Variants in PDE4D observed in about 807,000 individuals in gnomAD.
PDE4D encodes the protein 3',5'-cyclic-AMP phosphodiesterase 4D.
In PDE4D, 24 loss-of-function variants were observed where a neutral mutation model predicts 87.4. That is an observed-to-expected ratio of 0.27 (90% CI 0.20 to 0.39). The LOEUF is 0.39. Ranked by LOEUF, PDE4D falls within the 10% of genes least tolerant of loss-of-function variation. PDE4D has a pLI of 1.00. For synonymous variants in PDE4D, 384 were observed against 383.2 expected (o/e 1.00, Z -0.02); for missense variants, 714 against 1,041.0 (o/e 0.69, Z 4.32).
chr5:59,057,303 C>T (rs1234598027), intron 5 of PDE4D, among the ~76,000 whole-genome samples: 1 of 152,118 alleles, frequency 6.6e-6, no homozygotes, highest in Non-Finnish European at 1.5e-5. Context: ...GTCCTTGTTT[C>T]CAAATCTGAG....
intron 1 of PDE4D, among the ~76,000 whole-genome samples, chr5:59,622,069 C>T (rs1298077516): frequency 1.3e-5 from 2 of 152,030 alleles, no homozygotes; most frequent in African/African-American, 4.8e-5. Context: ...ATAAAACTTG[C>T]CAGAAGTTAA....
intron 5 of PDE4D, among the ~76,000 whole-genome samples, chr5:59,156,172 A>G (rs1416193842): frequency 6.6e-6 from 1 of 151,916 alleles, no homozygotes. Context: ...AAACTGACAG[A>G]GCTGGATTTT....
chr5:59,671,140 G>A (rs1179875360), intron 1 of PDE4D, among the ~76,000 whole-genome samples: 1 of 152,130 alleles, frequency 6.6e-6, no homozygotes, highest in Admixed American at 6.6e-5. Flanking sequence ...ATCTATCCTG[G>A]TTCATGTCCT....
chr5:59,337,435 C>A (rs1237668363), intron 1 of PDE4D, among the ~76,000 whole-genome samples: 5 of 150,738 alleles, frequency 3.3e-5, no homozygotes, highest in Non-Finnish European at 7.4e-5. Flanking sequence ...GGGGTTCACG[C>A]CATTCTCCTG....
intron 1 of PDE4D, chr5:60,185,705 G>A: frequency 1.5e-6 from 1 of 669,952 alleles, no homozygotes; most frequent in Non-Finnish European, 2.6e-6. Flanking sequence ...GAAAAGGAAG[G>A]AAATGTTTAA....
intron 5 of PDE4D, among the ~76,000 whole-genome samples, chr5:59,127,180 T>C (rs1050304162): frequency 9.2e-5 from 14 of 152,204 alleles, no homozygotes; most frequent in Non-Finnish European, 1.8e-4. Context: ...GCGTCCACAG[T>C]AATGTGCGTG....
rs1776168866 is a variant in PDE4D, at chr5:59,130,951, C to A, written c.808+49644G>T. Among the ~76,000 whole-genome samples the A allele has an allele frequency of 2.6e-5, 4 of 152,192 alleles. No individual in the cohort carries two copies. The South Asian group carries it at 8.3e-4, about 31-fold the overall frequency. On this transcript the variant is annotated intron_variant, in intron 5 of 14. Transcript: ENST00000340635. Reference sequence around the variant, plus strand: ...GGTCATGTTATTCCCTTCTTTAAAACCATCCATTCATTAGTGATGATCCAT... The same window carrying A: ...GGTCATGTTATTCCCTTCTTTAAAAACATCCATTCATTAGTGATGATCCAT...
At chr5:60,321,596 A>G (rs73106740) in intron 1 of PDE4D, among the ~76,000 whole-genome samples, 8,017 of 152,302 alleles carry the variant, frequency 0.053, 706 homozygotes, top group African/African-American at 0.18. Flanking sequence ...AACTATCAAT[A>G]TACTAAACAG....
At chr5:59,315,667 C>A (rs371517466) in intron 1 of PDE4D, among the ~76,000 whole-genome samples, 10 of 152,026 alleles carry the variant, frequency 6.6e-5, no homozygotes, top group Non-Finnish European at 1.5e-4. Flanking sequence ...AACAACTTTG[C>A]GATAAAACCC....
At chr5:59,854,426 C>T (rs1172587198) in intron 1 of PDE4D, among the ~76,000 whole-genome samples, 1 of 151,882 alleles carries the variant, frequency 6.6e-6, no homozygotes, top group Non-Finnish European at 1.5e-5. Context: ...TTGTGACTTC[C>T]TTTTTAATTA....
intron 2 of PDE4D, among the ~76,000 whole-genome samples, chr5:59,200,285 G>A (rs1380295715): frequency 7.8e-6 from 1 of 129,030 alleles, no homozygotes; most frequent in Non-Finnish European, 1.6e-5. Flanking sequence ...ACAGCTACAA[G>A]TATACATACA....
chr5:59,088,442 A>G (rs367833619), intron 5 of PDE4D, among the ~76,000 whole-genome samples: 14 of 152,250 alleles, frequency 9.2e-5, no homozygotes, highest in African/African-American at 3.1e-4. Context: ...CAGCAATCTC[A>G]TTTCTGGGTA....
At chr5:59,599,102 C>T (rs539357169) in intron 1 of PDE4D, among the ~76,000 whole-genome samples, 10 of 151,824 alleles carry the variant, frequency 6.6e-5, no homozygotes, top group East Asian at 3.9e-4. Context: ...AGGGGAAGCA[C>T]GCAAGAAAGA....
At chr5:59,119,772 A>G (rs1774181257) in intron 5 of PDE4D, among the ~76,000 whole-genome samples, 1 of 152,136 alleles carries the variant, frequency 6.6e-6, no homozygotes, top group Non-Finnish European at 1.5e-5. Context: ...TACCTTTCCC[A>G]CTGTTCATAT....
At chr5:59,044,038 C>T (rs1760204788) in intron 5 of PDE4D, among the ~76,000 whole-genome samples, 1 of 152,138 alleles carries the variant, frequency 6.6e-6, no homozygotes, top group Non-Finnish European at 1.5e-5. Flanking sequence ...GTCTTTATAG[C>T]AGCATGATTT....
At chr5:59,762,034 C>T (rs912802404) in intron 1 of PDE4D, among the ~76,000 whole-genome samples, 4 of 151,988 alleles carry the variant, frequency 2.6e-5, no homozygotes, top group Admixed American at 6.6e-5. Context: ...ATCAAATATG[C>T]AGTCCACCAT....
At chr5:59,310,211 C>T (rs1772299008) in intron 1 of PDE4D, among the ~76,000 whole-genome samples, 1 of 152,146 alleles carries the variant, frequency 6.6e-6, no homozygotes. Context: ...CCAAAGTGGA[C>T]TTTTCCCCAA....
chr5:59,235,388 T>C (rs1756182820), intron 1 of PDE4D, among the ~76,000 whole-genome samples: 1 of 152,188 alleles, frequency 6.6e-6, no homozygotes, highest in Admixed American at 6.5e-5. Flanking sequence ...TTCAGTGGAA[T>C]TCACACAGTG....
chr5:59,835,267 T>C (rs1581333104), intron 1 of PDE4D, among the ~76,000 whole-genome samples: 1 of 152,150 alleles, frequency 6.6e-6, no homozygotes. Context: ...TTTGTGCATA[T>C]TGGAAAAGCC....
Sources: gnomAD v4.1 joint callset for allele counts (sites outside exome capture counted in the v4.1 genomes callset) on GRCh38, gnomAD v4.1.1 for gene constraint, MANE v1.5 for transcripts, NCBI Gene and HGNC (gene_info 2026-07-23, HGNC 2026-07-21) for gene names.